Variants in NKAIN2 observed in about 807,000 individuals in gnomAD.
NKAIN2 encodes the protein sodium/potassium transporting ATPase interacting 2, also known as sodium/potassium-transporting ATPase subunit beta-1-interacting protein 2.
NKAIN2 carries 14 observed loss-of-function variants against 32.6 expected under a neutral mutation model. The observed-to-expected ratio is 0.43, with a 90% CI of 0.28 to 0.67. The LOEUF is 0.67. Among genes scored for constraint, NKAIN2 ranks in the 30% least tolerant of loss-of-function variants. NKAIN2 has a pLI of 0.17. For missense variants in NKAIN2, 198 were observed against 258.3 expected, an observed-to-expected ratio of 0.77 and a Z score of 1.60; for synonymous variants, 80 against 87.2, an observed-to-expected ratio of 0.92 and a Z score of 0.46.
At chr6:124,258,198 C>T (rs528979232) in intron 1 of NKAIN2, among the ~76,000 whole-genome samples, 77 of 151,770 alleles carry the variant, frequency 5.1e-4, no homozygotes, top group Non-Finnish European at 9.6e-4. Flanking sequence ...CAGATTCACA[C>T]AGTTGCTGAG....
intron 1 of NKAIN2, among the ~76,000 whole-genome samples, chr6:123,941,967 C>T (rs1055625407): frequency 6.6e-6 from 1 of 151,878 alleles, no homozygotes; most frequent in South Asian, 2.1e-4. Context: ...AATCCACCCC[C>T]AAAGCATCAG....
intron 3 of NKAIN2, among the ~76,000 whole-genome samples, chr6:124,535,229 T>TA (rs1335101888): frequency 1.3e-5 from 2 of 152,214 alleles, no homozygotes; most frequent in African/African-American, 4.8e-5. Context: ...TAAGCTGCCT[T>TA]AAGGCAAGGA....
intron 4 of NKAIN2, among the ~76,000 whole-genome samples, chr6:124,778,604 G>A (rs151195968): frequency 1.8e-4 from 28 of 151,966 alleles, no homozygotes; most frequent in African/African-American, 6.3e-4. Context: ...GAGAAAATTC[G>A]AGCTCAGAAA....
At chr6:124,186,111 G>A (rs550120798) in intron 1 of NKAIN2, among the ~76,000 whole-genome samples, 40 of 125,966 alleles carry the variant, frequency 3.2e-4, no homozygotes, top group African/African-American at 1.1e-3. Flanking sequence ...GTAAGACCCT[G>A]TCTTTACAAA....
At chr6:123,888,108 T>C (rs1335695205) in intron 1 of NKAIN2, among the ~76,000 whole-genome samples, 3 of 152,158 alleles carry the variant, frequency 2.0e-5, no homozygotes, top group Admixed American at 1.3e-4. Flanking sequence ...AAATGCTCTT[T>C]AAAATATAAA....
intron 4 of NKAIN2, among the ~76,000 whole-genome samples, chr6:124,775,365 G>T (rs1778941636): frequency 6.6e-6 from 1 of 152,104 alleles, no homozygotes; most frequent in African/African-American, 2.4e-5. Flanking sequence ...TCTCCTCAAA[G>T]GAACTTCTGT....
At chr6:124,783,884 A>C (rs1297404632) in intron 4 of NKAIN2, among the ~76,000 whole-genome samples, 3 of 152,186 alleles carry the variant, frequency 2.0e-5, no homozygotes, top group African/African-American at 7.2e-5. Context: ...ATGGGCTTAG[A>C]GCCTATGAAT....
rs142436454 is a variant in NKAIN2 at position 124,191,847 on chromosome 6, A to G, written c.55-91158A>G. 1.3e-3 allele frequency among the ~76,000 whole-genome samples: 191 copies of G among 152,280 alleles called. 1 individual carries two copies. Among genetic ancestry groups the G allele is most frequent in the African/African-American group, 4.2e-3 (173 of 41,568 alleles). On this transcript the variant is annotated intron_variant, in intron 1 of 6. Coordinates refer to ENST00000368417, the MANE Select transcript of NKAIN2 (RefSeq NM_001040214.3). Reference sequence around the variant, plus strand: ...TTCTTCAGTATCTATCAAGATGATTATATTACTTTACATTTTATAATCCTT... The same window carrying G: ...TTCTTCAGTATCTATCAAGATGATTGTATTACTTTACATTTTATAATCCTT...
chr6:124,322,862 G>C (rs1797253634), intron 2 of NKAIN2, among the ~76,000 whole-genome samples: 1 of 152,068 alleles, frequency 6.6e-6, no homozygotes, highest in Non-Finnish European at 1.5e-5. Context: ...TTTCCCAAGT[G>C]GCTGTACAAT....
At chr6:124,603,712 G>C (rs1047339483) in intron 3 of NKAIN2, among the ~76,000 whole-genome samples, 4 of 151,828 alleles carry the variant, frequency 2.6e-5, no homozygotes, top group African/African-American at 9.7e-5. Context: ...TACCCAAACT[G>C]ATACACTGAG....
At chr6:124,812,230 G>A (rs2114862722) in intron 5 of NKAIN2, among the ~76,000 whole-genome samples, 1 of 152,236 alleles carries the variant, frequency 6.6e-6, no homozygotes. Flanking sequence ...CAACAACTCT[G>A]TAGATTGTCT....
chr6:124,819,956 A>G (rs764594176), intron 6 of NKAIN2, among the ~76,000 whole-genome samples: 1 of 152,188 alleles, frequency 6.6e-6, no homozygotes, highest in Non-Finnish European at 1.5e-5. Flanking sequence ...TCTCTTGACA[A>G]CAAACATCAT....
At chr6:124,065,641 C>G (rs1254756751) in intron 1 of NKAIN2, among the ~76,000 whole-genome samples, 1 of 152,164 alleles carries the variant, frequency 6.6e-6, no homozygotes, top group Non-Finnish European at 1.5e-5. Context: ...TGATCTTGCA[C>G]TTCCCAGCCT....
chr6:124,456,700 C>T (rs761777330), intron 3 of NKAIN2, among the ~76,000 whole-genome samples: 9 of 151,688 alleles, frequency 5.9e-5, no homozygotes, highest in East Asian at 1.9e-4. Context: ...TCTTTGACTC[C>T]GTGAACATTT....
At chr6:123,916,083 T>C (rs1775479069) in intron 1 of NKAIN2, among the ~76,000 whole-genome samples, 1 of 152,078 alleles carries the variant, frequency 6.6e-6, no homozygotes, top group Admixed American at 6.6e-5. Flanking sequence ...TGAACACTTC[T>C]AGAAAATTTT....
chr6:124,600,401 A>C (rs1373885184), intron 3 of NKAIN2, among the ~76,000 whole-genome samples: 5 of 152,160 alleles, frequency 3.3e-5, no homozygotes, highest in Admixed American at 6.6e-5. Context: ...TTTTACAAAT[A>C]AAATGTATTT....
chr6:124,433,850 G>T (rs371085468), intron 3 of NKAIN2, among the ~76,000 whole-genome samples: 3 of 152,106 alleles, frequency 2.0e-5, no homozygotes, highest in South Asian at 4.1e-4. Flanking sequence ...TTTGAAAAAT[G>T]ACCACTTGTA....
At chr6:124,001,946 TA>T (rs2114714034) in intron 1 of NKAIN2, among the ~76,000 whole-genome samples, 1 of 151,902 alleles carries the variant, frequency 6.6e-6, no homozygotes, top group African/African-American at 2.4e-5. Flanking sequence ...TAATCATTGT[TA>T]ATTTAAATAC....
At chr6:124,502,860 T>C (rs1419926713) in intron 3 of NKAIN2, among the ~76,000 whole-genome samples, 1 of 152,196 alleles carries the variant, frequency 6.6e-6, no homozygotes, top group African/African-American at 2.4e-5. Context: ...ACTCTTTCTA[T>C]GATTTGTGCA....
Sources: allele counts gnomAD v4.1 joint callset (sites outside exome capture counted in the v4.1 genomes callset), GRCh38; gene constraint gnomAD v4.1.1; transcripts MANE v1.5; gene names NCBI Gene and HGNC (gene_info 2026-07-23, HGNC 2026-07-21).